The following ST7 variants were observed in gnomAD, a reference collection of about 807,000 sequenced individuals.
ST7 encodes suppression of tumorigenicity 7.
ST7 carries 28 observed loss-of-function variants against 78.7 expected under a neutral mutation model. The observed-to-expected ratio is 0.36, with a 90% CI of 0.26 to 0.49. The LOEUF (loss-of-function observed/expected upper bound fraction) is 0.49, where lower values mean the gene tolerates loss of function less well. Ranked by LOEUF, ST7 falls within the 20% of genes least tolerant of loss-of-function variation. The pLI is 0.99. For missense variants in ST7, 418 were observed against 696.0 expected, an observed-to-expected ratio of 0.60 and a Z score of 4.49; for synonymous variants, 247 against 249.6, an observed-to-expected ratio of 0.99 and a Z score of 0.10.
intron 3 of ST7, among the ~76,000 whole-genome samples, chr7:117,121,673 T>C (rs1036876214): frequency 2.4e-4 from 37 of 152,300 alleles, no homozygotes; most frequent in African/African-American, 7.5e-4. Context: ...CCTCCTTTGT[T>C]TTCCTTAGAT....
At chr7:117,134,060 G>C (rs994661157) in intron 6 of ST7, 64 bp from the exon 7 acceptor site, 2 of 1,595,440 alleles carry the variant, frequency 1.3e-6, no homozygotes, top group African/African-American at 2.7e-5. Flanking sequence ...AAATGACATA[G>C]TGACTCTCTC....
chr7:117,097,908 A>ATATATATATATATATATT, intron 1 of ST7, among the ~76,000 whole-genome samples: 16 of 30,004 alleles, frequency 5.3e-4, no homozygotes, highest in South Asian at 1.9e-3. Context: ...ATATATATAT[A>ATATATATATATATATATT]TTTTTTTTTT....
chr7:117,188,583 C>T (rs531319885), intron 10 of ST7, among the ~76,000 whole-genome samples: 29 of 152,314 alleles, frequency 1.9e-4, no homozygotes, highest in African/African-American at 7.0e-4. Flanking sequence ...CTGAACCCCA[C>T]ACCCACCCTG....
At chr7:116,974,100 G>A (rs1044081892) in intron 1 of ST7, among the ~76,000 whole-genome samples, 1 of 152,134 alleles carries the variant, frequency 6.6e-6, no homozygotes, top group Non-Finnish European at 1.5e-5. Flanking sequence ...GGGAGAGGGT[G>A]AGGACAAAGG....
At chr7:116,993,491 C>T (rs1794517670) in intron 1 of ST7, among the ~76,000 whole-genome samples, 1 of 152,170 alleles carries the variant, frequency 6.6e-6, no homozygotes. Flanking sequence ...CCACCGGCTC[C>T]CTCCCACAAC....
intron 9 of ST7, among the ~76,000 whole-genome samples, chr7:117,155,078 A>G (rs2117179771): frequency 6.6e-6 from 1 of 152,312 alleles, no homozygotes; most frequent in African/African-American, 2.4e-5. Flanking sequence ...GAAACTAAAC[A>G]GGCTGTCATG....
Position 116,953,708 on chromosome 7 carries a change from G to C in ST7, c.151+17G>C, listed in dbSNP as rs1197736383. The C allele has an allele frequency of 7.0e-7, 1 of 1,428,484 alleles. No individual in the cohort carries two copies. Among genetic ancestry groups the C allele is most frequent in the Non-Finnish European group, 9.3e-7 (1 of 1,070,172 alleles). 88.5% of individuals were successfully genotyped at this position (1,428,484 alleles called of 1,614,324 possible). On this transcript the variant is annotated intron_variant, in intron 1 of 15. Coordinates refer to ENST00000323984, the MANE Select transcript of ST7 (RefSeq NM_001369598.1). ...TGAGCACAGGTAAGGCCTGGGAGCC[G>C]GGCCCGCGGCGCCCACCCCTCCCCC...
intron 1 of ST7, among the ~76,000 whole-genome samples, chr7:117,054,309 G>A (rs1797949005): frequency 6.6e-6 from 1 of 152,204 alleles, no homozygotes. Flanking sequence ...CAGTAAGGTT[G>A]TGTCTCTCTA....
intron 1 of ST7, among the ~76,000 whole-genome samples, chr7:116,986,223 G>A (rs754861826): frequency 6.6e-6 from 1 of 152,200 alleles, no homozygotes; most frequent in Non-Finnish European, 1.5e-5. Context: ...GGATGATTCT[G>A]CTGTTTCATT....
intron 10 of ST7, among the ~76,000 whole-genome samples, chr7:117,179,854 AG>A (rs1563145725): frequency 1.3e-5 from 2 of 152,084 alleles, no homozygotes; most frequent in East Asian, 3.9e-4. Context: ...TTTTGAGTGG[AG>A]GTACTTGAGA....
chr7:116,970,739 G>C (rs924858155), intron 1 of ST7, among the ~76,000 whole-genome samples: 1 of 152,148 alleles, frequency 6.6e-6, no homozygotes, highest in Non-Finnish European at 1.5e-5. Context: ...ATTGTTGTAG[G>C]TTGTGAGTCA....
intron 1 of ST7, among the ~76,000 whole-genome samples, chr7:117,027,463 A>AAAAGTAAAAGTAAAAGTAAAAGTAAAAGT (rs1554427204): frequency 5.0e-5 from 7 of 140,734 alleles, no homozygotes; most frequent in African/African-American, 2.0e-4. Flanking sequence ...AAAGTAAAGT[A>AAAAGTAAAAGTAAAAGTAAAAGTAAAAGT]AAAGTAAAGT....
chr7:117,082,419 A>G (rs1040333523), intron 1 of ST7, among the ~76,000 whole-genome samples: 9 of 152,334 alleles, frequency 5.9e-5, no homozygotes, highest in Middle Eastern at 3.4e-3. Flanking sequence ...AAGTAAATCT[A>G]CCCTTGAAAT....
At chr7:117,199,498 A>T (rs1250166705) in intron 12 of ST7, among the ~76,000 whole-genome samples, 1 of 152,204 alleles carries the variant, frequency 6.6e-6, no homozygotes, top group African/African-American at 2.4e-5. Context: ...CTTAAGCAGG[A>T]TCACTCTGCC....
chr7:117,096,541 T>C (rs911960356), intron 1 of ST7, among the ~76,000 whole-genome samples: 7 of 152,252 alleles, frequency 4.6e-5, no homozygotes, highest in Non-Finnish European at 8.8e-5. Context: ...TATTCCCGTG[T>C]GTCCCCTGTG....
intron 1 of ST7, among the ~76,000 whole-genome samples, chr7:117,046,362 C>G (rs1036068279): frequency 6.6e-6 from 1 of 152,148 alleles, no homozygotes; most frequent in Non-Finnish European, 1.5e-5. Flanking sequence ...CCTAAAAGAC[C>G]ATATGCTTGC....
intron 1 of ST7, among the ~76,000 whole-genome samples, chr7:117,062,274 G>A (rs1160275177): frequency 6.6e-6 from 1 of 152,044 alleles, no homozygotes; most frequent in East Asian, 1.9e-4. Context: ...ATCACATTAG[G>A]GGCTACAGCT....
At chr7:117,209,759 A>G (rs1246412527) in intron 12 of ST7, 28 bp from the exon 13 acceptor site, 3 of 1,606,404 alleles carry the variant, frequency 1.9e-6, no homozygotes, top group African/African-American at 2.7e-5. Flanking sequence ...AGGTATTAAC[A>G]CAAGTGTGTC....
At chr7:117,045,054 G>A (rs1797424813) in intron 1 of ST7, among the ~76,000 whole-genome samples, 1 of 152,048 alleles carries the variant, frequency 6.6e-6, no homozygotes, top group Non-Finnish European at 1.5e-5. Flanking sequence ...CACTCCACAT[G>A]CACTGCCAGT....
Sources: allele counts gnomAD v4.1 joint callset (sites outside exome capture counted in the v4.1 genomes callset), GRCh38; gene constraint gnomAD v4.1.1; transcripts MANE v1.5; gene names NCBI Gene and HGNC (gene_info 2026-07-23, HGNC 2026-07-21).